The following ZNF804A variants were observed in gnomAD, a reference collection of about 807,000 sequenced individuals.
ZNF804A encodes zinc finger protein 804A.
A neutral mutation model predicts 16.5 loss-of-function variants in ZNF804A; 2 were observed. The observed-to-expected ratio is 0.12, with a 90% confidence interval of 0.05 to 0.38. The LOEUF is 0.38. Ranked by LOEUF, ZNF804A falls within the 10% of genes least tolerant of loss-of-function variation. ZNF804A has a pLI of 0.99. For missense variants in ZNF804A, 1,473 were observed against 1,390.7 expected, an observed-to-expected ratio of 1.06 and a Z score of -0.94; for synonymous variants, 534 against 489.6, an observed-to-expected ratio of 1.09 and a Z score of -1.20.
chr2:184,783,695 T>C lies in ZNF804A; in HGVS notation c.112-82674T>C, dbSNP rs1694406648. On this transcript the variant is annotated intron_variant, in intron 1 of 3. Coordinates refer to ENST00000302277, the MANE Select transcript of ZNF804A (RefSeq NM_194250.2). ...TAAGCCTACAATTTTAACATCTCTT[T>C]AATCTCTGGCAGAGCCACGTATTCC... Among the ~76,000 whole-genome samples the C allele has an allele frequency of 1.3e-5, 2 of 151,944 alleles. 1 individual carries two copies. Among genetic ancestry groups the C allele is most frequent in the South Asian group, 4.1e-4 (2 of 4,832 alleles).
intron 1 of ZNF804A, among the ~76,000 whole-genome samples, chr2:184,641,346 G>A (rs544485032): frequency 1.3e-5 from 2 of 152,250 alleles, no homozygotes; most frequent in South Asian, 4.1e-4. Context: ...CTGAACCAAA[G>A]CATGTAGAAA....
At chr2:184,683,793 C>A (rs944177518) in intron 1 of ZNF804A, among the ~76,000 whole-genome samples, 2 of 152,020 alleles carry the variant, frequency 1.3e-5, no homozygotes, top group Non-Finnish European at 2.9e-5. Context: ...TATAATTTTT[C>A]TCCTTAACAT....
intron 1 of ZNF804A, among the ~76,000 whole-genome samples, chr2:184,763,578 T>C (rs1694072569): frequency 6.6e-6 from 1 of 151,036 alleles, no homozygotes; most frequent in Non-Finnish European, 1.5e-5. Flanking sequence ...ATATCTGGTA[T>C]TAAGGTGCCC....
chr2:184,625,625 T>C (rs1691482521), intron 1 of ZNF804A, among the ~76,000 whole-genome samples: 1 of 152,138 alleles, frequency 6.6e-6, no homozygotes, highest in Non-Finnish European at 1.5e-5. Context: ...TAAATCTTGT[T>C]TGAGGCTATT....
chr2:184,661,120 T>TTAGAAA (rs1352132381), intron 1 of ZNF804A, among the ~76,000 whole-genome samples: 1 of 152,210 alleles, frequency 6.6e-6, no homozygotes, highest in Non-Finnish European at 1.5e-5. Context: ...AAATTGGCAT[T>TTAGAAA]TAGAAATGTA....
chr2:184,660,852 T>G lies in ZNF804A; in HGVS notation c.111+61782T>G, dbSNP rs375573707. 3.9e-4 allele frequency among the ~76,000 whole-genome samples: 60 copies of G among 152,378 alleles called. 3 individuals carry two copies. In the East Asian group the frequency reaches 0.011, roughly 27 times the overall value. ...CACCTAGTGAGTTCTCAGTAGATAC[T>G]AATTTATTTTAAAACTGCTATCTTA... On this transcript the variant is annotated intron_variant, in intron 1 of 3. Transcript: ENST00000302277.
chr2:184,712,764 T>C (rs1367081249), intron 1 of ZNF804A, among the ~76,000 whole-genome samples: 1 of 151,678 alleles, frequency 6.6e-6, no homozygotes, highest in African/African-American at 2.4e-5. Context: ...CCTTCAAGCT[T>C]TCTGGTTCTT....
At chr2:184,669,029 C>T (rs1169245013) in intron 1 of ZNF804A, among the ~76,000 whole-genome samples, 1 of 151,982 alleles carries the variant, frequency 6.6e-6, no homozygotes, top group Non-Finnish European at 1.5e-5. Flanking sequence ...ATAGTACTCA[C>T]TTCCCTCGGT....
At chr2:184,825,842 T>C (rs1385101901) in intron 1 of ZNF804A, among the ~76,000 whole-genome samples, 1 of 152,004 alleles carries the variant, frequency 6.6e-6, no homozygotes, top group South Asian at 2.1e-4. Flanking sequence ...TATGCATCCA[T>C]GCCTTTTTAT....
At chr2:184,891,893 G>T (rs1684988712) in intron 2 of ZNF804A, among the ~76,000 whole-genome samples, 1 of 152,042 alleles carries the variant, frequency 6.6e-6, no homozygotes, top group South Asian at 2.1e-4. Flanking sequence ...TAGTCACATT[G>T]CAGTGTTTAT....
At chr2:184,902,338 A>C (rs1254002036) in intron 2 of ZNF804A, 1 of 155,142 alleles carries the variant, frequency 6.4e-6, no homozygotes, top group African/African-American at 2.4e-5. Context: ...GTCAGGGGGA[A>C]CTTGATGATG....
At chr2:184,626,205 A>G (rs1460865445) in intron 1 of ZNF804A, among the ~76,000 whole-genome samples, 1 of 151,952 alleles carries the variant, frequency 6.6e-6, no homozygotes, top group East Asian at 1.9e-4. Context: ...GGACAGGGCA[A>G]TTTTCCAATT....
At chr2:184,924,103 G>A (rs1473089685) in intron 2 of ZNF804A, among the ~76,000 whole-genome samples, 3 of 151,568 alleles carry the variant, frequency 2.0e-5, no homozygotes, top group Admixed American at 1.3e-4. Context: ...GAGTTTGGAA[G>A]TATTCCCTTC....
chr2:184,864,057 T>G (rs759175893), intron 1 of ZNF804A, among the ~76,000 whole-genome samples: 20 of 152,188 alleles, frequency 1.3e-4, no homozygotes, highest in Non-Finnish European at 2.6e-4. Context: ...TCATTTGTGT[T>G]GTTCTAAAAG....
chr2:184,799,743 A>G (rs553132870), intron 1 of ZNF804A, among the ~76,000 whole-genome samples: 55 of 152,072 alleles, frequency 3.6e-4, no homozygotes, highest in African/African-American at 1.3e-3. Context: ...AGGTTTTGCC[A>G]TGTTGCGCCA....
At chr2:184,660,652 C>A (rs986526140) in intron 1 of ZNF804A, among the ~76,000 whole-genome samples, 3 of 152,174 alleles carry the variant, frequency 2.0e-5, no homozygotes, top group Non-Finnish European at 4.4e-5. Context: ...ATTCAAAGAG[C>A]CATTTGTGTT....
intron 1 of ZNF804A, among the ~76,000 whole-genome samples, chr2:184,673,200 C>A (rs1289985694): frequency 3.3e-5 from 5 of 152,070 alleles, no homozygotes; most frequent in Non-Finnish European, 7.4e-5. Flanking sequence ...CCAGAGGCAA[C>A]CTAATTATCA....
chr2:184,732,939 T>C (rs936257512), intron 1 of ZNF804A, among the ~76,000 whole-genome samples: 1 of 152,158 alleles, frequency 6.6e-6, no homozygotes, highest in Non-Finnish European at 1.5e-5. Flanking sequence ...TGTTGATTCT[T>C]TTGTATTTTC....
intron 1 of ZNF804A, among the ~76,000 whole-genome samples, chr2:184,822,202 A>G (rs1695096970): frequency 6.6e-6 from 1 of 152,066 alleles, no homozygotes; most frequent in Admixed American, 6.6e-5. Flanking sequence ...GAAAATGTAC[A>G]TATACACCAT....
Sources: gnomAD v4.1 joint callset for allele counts (sites outside exome capture counted in the v4.1 genomes callset) on GRCh38, gnomAD v4.1.1 for gene constraint, MANE v1.5 for transcripts, NCBI Gene and HGNC (gene_info 2026-07-23, HGNC 2026-07-21) for gene names.